DIP2C: variants seen among roughly 807,000 people sequenced by gnomAD.
DIP2C encodes the protein disco-interacting protein 2 homolog C.
A neutral mutation model predicts 192.4 loss-of-function variants in DIP2C; 33 were observed. The observed-to-expected ratio is 0.17, with a 90% CI of 0.13 to 0.23. The LOEUF (loss-of-function observed/expected upper bound fraction) is 0.23. Among genes scored for constraint, DIP2C ranks in the 10% least tolerant of loss-of-function variants. The probability of loss-of-function intolerance (pLI) is 1.00; values close to 1 mark genes in which losing one functional copy is unlikely to be tolerated. For synonymous variants in DIP2C, 979 were observed against 864.1 expected, an observed-to-expected ratio of 1.13 and a Z score of -2.33; for missense variants, 1,537 against 2,110.1, an observed-to-expected ratio of 0.73 and a Z score of 5.32.
intron 1 of DIP2C, among the ~76,000 whole-genome samples, chr10:685,128 T>C (rs1266606088): frequency 1.1e-5 from 1 of 94,362 alleles, no homozygotes; most frequent in Non-Finnish European, 2.0e-5. Flanking sequence ...GAGTGAAACT[T>C]GGTCCCCAAA....
chr10:372,725 A>G (rs185231674), intron 17 of DIP2C, among the ~76,000 whole-genome samples: 484 of 148,554 alleles, frequency 3.3e-3, no homozygotes, highest in Middle Eastern at 0.01. Flanking sequence ...AGGAGGTCCC[A>G]ACACACAGGC....
intron 1 of DIP2C, among the ~76,000 whole-genome samples, chr10:510,369 C>G (rs182596313): frequency 1.3e-5 from 2 of 152,338 alleles, no homozygotes; most frequent in East Asian, 3.9e-4. Flanking sequence ...TTTTAAGTGA[C>G]TAATCATAGG....
chr10:565,434 C>T (rs2131491151), intron 1 of DIP2C, among the ~76,000 whole-genome samples: 1 of 150,264 alleles, frequency 6.7e-6, no homozygotes, highest in Admixed American at 6.6e-5. Context: ...ACACATCTCA[C>T]ATGCAGTGAA....
In DIP2C at chr10:366,266, T is replaced by C. The variant is rs749034887; in HGVS notation, c.2268+9A>G. The C allele has an allele frequency of 4.7e-5, 75 of 1,611,806 alleles. No individual in the cohort carries two copies. Among genetic ancestry groups the C allele is most frequent in the Middle Eastern group, 1.6e-4 (1 of 6,078 alleles). Reference sequence around the variant, plus strand: ...GATGGTGCCCATGGTAAGACTCTCCTCCACCTACCTCAAAGGTGTTCTTGG... The same window carrying C: ...GATGGTGCCCATGGTAAGACTCTCCCCCACCTACCTCAAAGGTGTTCTTGG... On this transcript the variant is annotated intron_variant, in intron 19 of 36. Transcript: ENST00000280886.
chr10:451,266 A>G (rs1968822373), intron 3 of DIP2C, among the ~76,000 whole-genome samples: 1 of 150,098 alleles, frequency 6.7e-6, no homozygotes, highest in Admixed American at 6.6e-5. Context: ...ACAGATTTTC[A>G]AAAAGTTACC....
At chr10:532,925 G>T (rs1264585600) in intron 1 of DIP2C, among the ~76,000 whole-genome samples, 5 of 152,146 alleles carry the variant, frequency 3.3e-5, no homozygotes, top group Non-Finnish European at 7.4e-5. Context: ...CGAGTAGCTG[G>T]GACCGCACGT....
chr10:590,946 C>T (rs1851365910), intron 1 of DIP2C, among the ~76,000 whole-genome samples: 1 of 152,140 alleles, frequency 6.6e-6, no homozygotes, highest in South Asian at 2.1e-4. Context: ...TCCAGTCTGT[C>T]CCCCACCAGG....
chr10:618,260 AAG>A (rs1853604534), intron 1 of DIP2C, among the ~76,000 whole-genome samples: 1 of 152,224 alleles, frequency 6.6e-6, no homozygotes, highest in Non-Finnish European at 1.5e-5. Flanking sequence ...AAGAATCTCT[AAG>A]AAACAGGTTT....
intron 1 of DIP2C, among the ~76,000 whole-genome samples, chr10:496,245 G>A (rs578219595): frequency 2.2e-5 from 3 of 138,266 alleles, no homozygotes; most frequent in East Asian, 4.6e-4. Context: ...TGAGTACACA[G>A]AACCAATGCA....
At chr10:569,433 CATA>C (rs10571483) in intron 1 of DIP2C, among the ~76,000 whole-genome samples, 11,595 of 152,162 alleles carry the variant, frequency 0.076, 617 homozygotes, top group East Asian at 0.18. Flanking sequence ...ATTTGAGATA[CATA>C]ATGATGTGTG....
Position 286,262 on chromosome 10 carries a change from A to G in DIP2C, c.4119+11T>C, listed in dbSNP as rs377312674. On this transcript the variant is annotated intron_variant, in intron 34 of 36. Coordinates refer to ENST00000280886, the MANE Select transcript of DIP2C (RefSeq NM_014974.3). ...AAAAGTAACCTGGATCTCGGAGGAC[A>G]CTCAACTCACCTCTCCAAGGTGTGA... The G allele has an allele frequency of 1.4e-4, 218 of 1,613,706 alleles. No homozygotes were observed. The highest frequency in any genetic ancestry group is 1.6e-4 in the Non-Finnish European group (190 of 1,179,824).
chr10:482,505 A>T (rs1199483419), intron 2 of DIP2C, among the ~76,000 whole-genome samples: 2 of 152,190 alleles, frequency 1.3e-5, no homozygotes, highest in Non-Finnish European at 2.9e-5. Flanking sequence ...CCCCTTACAG[A>T]GTCCTTGTAA....
chr10:288,493 G>A (rs1955278030), intron 32 of DIP2C, 72 bp from the exon 33 acceptor site: 2 of 1,517,530 alleles, frequency 1.3e-6, no homozygotes, highest in East Asian at 2.3e-5. Context: ...ATTCACACGA[G>A]GTCACGAGCC....
chr10:419,549 G>A (rs528154776), intron 5 of DIP2C, among the ~76,000 whole-genome samples: 72 of 152,202 alleles, frequency 4.7e-4, no homozygotes, highest in Non-Finnish European at 9.8e-4. Context: ...GTCTGCCACA[G>A]TCGACGCAGC....
intron 32 of DIP2C, among the ~76,000 whole-genome samples, chr10:305,743 C>T (rs936962153): frequency 6.6e-6 from 1 of 152,106 alleles, no homozygotes; most frequent in African/African-American, 2.4e-5. Context: ...CTCTCAGGAT[C>T]AAGCAGTCCT....
chr10:300,433 A>C (rs1955969984), intron 32 of DIP2C, among the ~76,000 whole-genome samples: 1 of 152,368 alleles, frequency 6.6e-6, no homozygotes, highest in East Asian at 1.9e-4. Context: ...TGAGGTACCT[A>C]CCTAGAGTAG....
At chr10:461,678 C>T (rs377060632) in intron 3 of DIP2C, among the ~76,000 whole-genome samples, 146 of 152,226 alleles carry the variant, frequency 9.6e-4, no homozygotes, top group Non-Finnish European at 1.6e-3. Flanking sequence ...CTGGGCCAAG[C>T]GGACCTAATA....
At chr10:625,323 G>GA (rs567861551) in intron 1 of DIP2C, among the ~76,000 whole-genome samples, 15 of 152,172 alleles carry the variant, frequency 9.9e-5, no homozygotes, top group East Asian at 5.8e-4. Flanking sequence ...CTTCAGTGCA[G>GA]AAAAAAAATC....
intron 24 of DIP2C, among the ~76,000 whole-genome samples, chr10:355,330 A>G (rs1334716319): frequency 1.3e-5 from 2 of 152,238 alleles, no homozygotes; most frequent in Non-Finnish European, 2.9e-5. Flanking sequence ...GGTTGTTCCT[A>G]TGAACTAAGC....
Sources: allele counts gnomAD v4.1 joint callset (sites outside exome capture counted in the v4.1 genomes callset), GRCh38; gene constraint gnomAD v4.1.1; transcripts MANE v1.5; gene names NCBI Gene and HGNC (gene_info 2026-07-23, HGNC 2026-07-21).